The following HIP1 variants were observed in gnomAD, a reference collection of about 807,000 sequenced individuals.
HIP1 encodes the protein huntingtin interacting protein 1.
A neutral mutation model predicts 147.6 loss-of-function variants in HIP1; 65 were observed. The ratio of observed to expected loss-of-function variants is 0.44; its 90% CI spans 0.36 to 0.54. The LOEUF (loss-of-function observed/expected upper bound fraction) is 0.54. HIP1 is among the 20% of genes least tolerant of loss of function. The pLI is 0.00. For synonymous variants in HIP1, 479 were observed against 504.0 expected (o/e 0.95, Z 0.67); for missense variants, 1,061 against 1,299.6 (o/e 0.82, Z 2.82).
In HIP1 at chr7:75,554,481, T is replaced by C. The variant is rs1554492800; in HGVS notation, c.2009A>G (p.Gln670Arg). ...TVTSISSCIE[Q>R]LEKSWSQYLA... is the part of the protein sequence containing the mutation. Reference sequence around the variant, plus strand: ...ATACTGGCTCCAGCTTTTCTCCAGTTGCTCGATGCAGCTGGAAATGGATGT... The same window carrying C: ...ATACTGGCTCCAGCTTTTCTCCAGTCGCTCGATGCAGCTGGAAATGGATGT... Residue 670 changes from glutamine to arginine, a missense_variant, in exon 20 of 31, where the codon CAA (glutamine) becomes CGA (arginine). By Grantham distance (43) the Gln-to-Arg change is conservative (BLOSUM62 1). This residue lies in a region of HIP1 where 810 missense variants were observed against 946.8 expected (regional missense o/e 0.86). Transcript: ENST00000336926. The C allele has an allele frequency of 6.2e-7, 1 of 1,614,058 alleles. No homozygotes were observed. The highest frequency in any genetic ancestry group is 1.7e-5 in the Admixed American group (1 of 60,010).
At position 75,535,352 on chromosome 7, in the gene HIP1, G is replaced by A. The variant is rs587700089; in HGVS notation, c.*2820C>T. On this transcript the variant is annotated 3_prime_UTR_variant, in exon 31 of 31. Transcript: ENST00000336926. ...GCCTCAAACTCCTGGGCTGGGCTCT[G>A]ACACAGAATCTTTTTTTTTTTGAGA... 1 of 192,288 alleles carries A rather than the reference G, an allele frequency of 5.2e-6. No homozygotes were observed. Among genetic ancestry groups the A allele is most frequent in the African/African-American group, 2.3e-5 (1 of 43,026 alleles). The allele number at this position is 192,288 out of a possible 1,614,324, so 11.9% of individuals were successfully genotyped here.
At position 75,561,968 on chromosome 7, in the gene HIP1, AG is replaced by A. The variant is rs1274233605; in HGVS notation, c.1118+104del. On this transcript the variant is annotated intron_variant, in intron 12 of 30. Transcript: ENST00000336926. Reference sequence around the variant, plus strand: ...AACCCTTCAAGATGTTCTGTATCTAAGAAGCCCCAGTATCATTAAGAATTCC... The same window carrying A: ...AACCCTTCAAGATGTTCTGTATCTAAAAGCCCCAGTATCATTAAGAATTCC... 4.1e-6 allele frequency: 3 copies of A among 724,420 alleles called. No homozygotes were observed. The African/African-American group carries it at 5.3e-5, about 13-fold the overall frequency. The allele number at this position is 724,420 out of a possible 1,614,324, so 44.9% of individuals were successfully genotyped here. A position where few individuals can be genotyped will look rare whatever the true frequency, so the allele number is the denominator to read the frequency against.
intron 1 of HIP1, among the ~76,000 whole-genome samples, chr7:75,687,105 A>G (rs1397765904): frequency 6.6e-6 from 1 of 152,136 alleles, no homozygotes; most frequent in Non-Finnish European, 1.5e-5. Flanking sequence ...AAAGAGAAAC[A>G]AATGGACATT....
chr7:75,724,806 A>G (rs1801603209), intron 1 of HIP1, among the ~76,000 whole-genome samples: 1 of 152,218 alleles, frequency 6.6e-6, no homozygotes, highest in Non-Finnish European at 1.5e-5. Context: ...CTGGCTAACA[A>G]CAGGGCTCAA....
At position 75,537,574 on chromosome 7, in the gene HIP1, C is replaced by G. The variant is rs782051395; in HGVS notation, c.*598G>C. Reference sequence around the variant, plus strand: ...AACCACCATAAGAAGCAGTGGAAATCCATGGCACTGCCCAAAGAGGGGGAG... The same window carrying G: ...AACCACCATAAGAAGCAGTGGAAATGCATGGCACTGCCCAAAGAGGGGGAG... On this transcript the variant is annotated 3_prime_UTR_variant, in exon 31 of 31. Transcript: ENST00000336926. The G allele has an allele frequency of 4.3e-6, 1 of 232,760 alleles. No homozygotes were observed. Among genetic ancestry groups the G allele is most frequent in the Non-Finnish European group, 8.5e-6 (1 of 117,936 alleles). The allele number at this position is 232,760 out of a possible 1,614,324, so 14.4% of individuals were successfully genotyped here.
At position 75,568,514 on chromosome 7, in the gene HIP1, A is replaced by G. The variant is rs1795496858; in HGVS notation, c.746-258T>C. Among the ~76,000 whole-genome samples, 1 of 152,196 alleles carries G rather than the reference A, an allele frequency of 6.6e-6. No individual in the cohort carries two copies. Among genetic ancestry groups the G allele is most frequent in the South Asian group, 2.1e-4 (1 of 4,832 alleles). Reference sequence around the variant, plus strand: ...TGAAGGACAAGCCATGCCGGGCACAATAGGGTGGAAATTGTGTCCTGGACT... The same window carrying G: ...TGAAGGACAAGCCATGCCGGGCACAGTAGGGTGGAAATTGTGTCCTGGACT... On this transcript the variant is annotated intron_variant, in intron 8 of 30. Coordinates refer to ENST00000336926, the MANE Select transcript of HIP1 (RefSeq NM_005338.7). This position sits in a 1 kb window ranked among gnomAD's most constrained non-coding sequence, Gnocchi z 4.1.
chr7:75,695,568 G>GT, intron 1 of HIP1, among the ~76,000 whole-genome samples: 2 of 99,444 alleles, frequency 2.0e-5, no homozygotes, highest in African/African-American at 1.1e-4. Context: ...AGCGGTACCA[G>GT]TTTTTTTTGT....
chr7:75,556,637 G>T (rs1438172569), intron 17 of HIP1, 73 bp downstream of exon 17: 2 of 957,918 alleles, frequency 2.1e-6, no homozygotes, highest in South Asian at 1.3e-5. Context: ...AGTGAGCTGC[G>T]ATCGCACCAC....
Position 75,584,110 on chromosome 7 carries a change from C to A in HIP1, c.466-1959G>T, listed in dbSNP as rs1796163958. 3.3e-5 allele frequency among the ~76,000 whole-genome samples: 5 copies of A among 151,198 alleles called. No homozygotes were observed. The South Asian group carries it at 1.0e-3, about 32-fold the overall frequency. ...TGAGTAGCTGGGATTAACAGGCACG[C>A]ACCACCATGCCCGGCTAATTTTTTT... is the stretch of plus-strand genomic sequence containing the variant. On this transcript the variant is annotated intron_variant, in intron 5 of 30. Coordinates refer to ENST00000336926, the MANE Select transcript of HIP1 (RefSeq NM_005338.7).
chr7:75,723,949 T>TAGAG (rs113160173), intron 1 of HIP1, among the ~76,000 whole-genome samples: 3 of 141,278 alleles, frequency 2.1e-5, no homozygotes, highest in East Asian at 2.0e-4. Context: ...TATATATATA[T>TAGAG]AGAGAGAGAG....
chr7:75,575,040 C>A (rs1554497442), intron 7 of HIP1, among the ~76,000 whole-genome samples: 1 of 152,106 alleles, frequency 6.6e-6, no homozygotes, highest in Non-Finnish European at 1.5e-5. Context: ...CGCCTGTAAT[C>A]CCAGCTACTT....
At chr7:75,557,019 A>ATTATTTATTTAT (rs3041772) in intron 16 of HIP1, among the ~76,000 whole-genome samples, 15,369 of 145,310 alleles carry the variant, frequency 0.11, 978 homozygotes, top group African/African-American at 0.18. Flanking sequence ...AGGATTTTTT[A>ATTATTTATTTAT]TTATTTATTT....
intron 1 of HIP1, among the ~76,000 whole-genome samples, chr7:75,665,877 C>T (rs1416489139): frequency 2.0e-5 from 3 of 152,102 alleles, no homozygotes; most frequent in African/African-American, 7.2e-5. Flanking sequence ...TCCATTATAG[C>T]TTGTAGGTTT....
intron 1 of HIP1, among the ~76,000 whole-genome samples, chr7:75,609,290 A>G (rs1254503062): frequency 6.6e-6 from 1 of 152,068 alleles, no homozygotes; most frequent in African/African-American, 2.4e-5. Context: ...TTTGGGGCCC[A>G]TTGCCGAGTC....
rs559157453 is a variant in HIP1, at chr7:75,670,768, G to GTAC, written c.120+68030_120+68032dup. On this transcript the variant is annotated intron_variant, in intron 1 of 30. Coordinates refer to ENST00000336926, the MANE Select transcript of HIP1 (RefSeq NM_005338.7). ...AGCTGGGACTACAGGCATGCTCACTGTACTCAGCTAATTAAAACTTTTTTT... is the reference window on the plus strand; with the variant it reads ...AGCTGGGACTACAGGCATGCTCACTGTACTACTCAGCTAATTAAAACTTTTTTT... 8.4e-5 allele frequency among the ~76,000 whole-genome samples: 12 copies of GTAC among 143,540 alleles called. No individual in the cohort carries two copies. The East Asian group carries it at 1.6e-3, about 20-fold the overall frequency. The allele number at this position is 143,540 out of a possible 152,430, so 94.2% of individuals were successfully genotyped here. A position where few individuals can be genotyped will look rare whatever the true frequency, so the allele number is the denominator to read the frequency against.
chr7:75,653,145 G>A (rs1799046049), intron 1 of HIP1, among the ~76,000 whole-genome samples: 1 of 150,924 alleles, frequency 6.6e-6, no homozygotes, highest in African/African-American at 2.4e-5. Context: ...ATAAAGGTCT[G>A]GGAGAAAAAA....
intron 1 of HIP1, among the ~76,000 whole-genome samples, chr7:75,670,786 C>CTTTTTTTTTTTTTTTTT (rs782710876): frequency 8.1e-5 from 10 of 122,842 alleles, no homozygotes; most frequent in African/African-American, 1.3e-4. Flanking sequence ...CTAATTAAAA[C>CTTTTTTTTTTTTTTTTT]TTTTTTTTTT....
intron 1 of HIP1, among the ~76,000 whole-genome samples, chr7:75,676,389 G>T (rs1205805359): frequency 6.6e-6 from 1 of 152,126 alleles, no homozygotes; most frequent in African/African-American, 2.4e-5. Context: ...GTCCAAGGGG[G>T]GTTATTATTG....
intron 1 of HIP1, among the ~76,000 whole-genome samples, chr7:75,607,205 CAA>C (rs587733419): frequency 0.024 from 3,053 of 127,966 alleles, 121 homozygotes; most frequent in African/African-American, 0.09. Flanking sequence ...ACCATCTCTA[CAA>C]AAAAAAAAGA....
Sources: gnomAD v4.1 joint callset for allele counts (sites outside exome capture counted in the v4.1 genomes callset) on GRCh38, gnomAD v4.1.1 for gene constraint, gnomAD v4.1.1 regional missense constraint, Gnocchi (gnomAD v3.1) non-coding constraint, MANE v1.5 for transcripts, NCBI Gene and HGNC (gene_info 2026-07-23, HGNC 2026-07-21) for gene names.